ME1: variants seen among roughly 807,000 people sequenced by gnomAD.
ME1 encodes the protein malic enzyme 1.
Under a neutral mutation model 66.4 loss-of-function variants are expected in ME1, and 74 were observed. The ratio of observed to expected loss-of-function variants is 1.11; its 90% CI spans 0.92 to 1.35. The LOEUF is 1.35. ME1 is among the 40% of genes most tolerant of loss of function. The pLI is 0.00. For synonymous variants in ME1, 251 were observed against 235.6 expected (o/e 1.07, Z -0.60); for missense variants, 750 against 694.1 (o/e 1.08, Z -0.90).
intron 6 of ME1, among the ~76,000 whole-genome samples, chr6:83,269,777 A>G (rs1182241552): frequency 2.6e-5 from 4 of 152,168 alleles, no homozygotes; most frequent in African/African-American, 9.7e-5. Flanking sequence ...TTCCAAAATG[A>G]CCCAAACGGA....
At chr6:83,370,196 A>G (rs1350907815) in intron 3 of ME1, among the ~76,000 whole-genome samples, 1 of 152,188 alleles carries the variant, frequency 6.6e-6, no homozygotes, top group Non-Finnish European at 1.5e-5. Context: ...AATTAAAGAA[A>G]TGAAGTAGCT....
At chr6:83,238,797 AAAATATAT>A (rs994216182) in intron 8 of ME1, among the ~76,000 whole-genome samples, 1 of 54,296 alleles carries the variant, frequency 1.8e-5, no homozygotes, top group Admixed American at 2.0e-4. Flanking sequence ...AGTTTCTTGA[AAAATATAT>A]ATATATATAT....
intron 3 of ME1, among the ~76,000 whole-genome samples, chr6:83,358,360 T>G (rs1768941856): frequency 6.6e-6 from 1 of 152,238 alleles, no homozygotes; most frequent in South Asian, 2.1e-4. Flanking sequence ...GGTTGGTTGC[T>G]CCTAAGTTCA....
chr6:83,307,053 CA>C (rs1333200170), intron 6 of ME1, among the ~76,000 whole-genome samples: 1 of 152,002 alleles, frequency 6.6e-6, no homozygotes, highest in East Asian at 1.9e-4. Context: ...CTGGCTTCTC[CA>C]AGGTTGGACT....
intron 9 of ME1, among the ~76,000 whole-genome samples, chr6:83,231,495 G>A (rs541972941): frequency 6.6e-6 from 1 of 152,254 alleles, no homozygotes; most frequent in African/African-American, 2.4e-5. Context: ...TGTCTCCCAA[G>A]TATGTTCTCT....
At chr6:83,351,974 T>A in intron 4 of ME1, 90 bp downstream of exon 4, 1 of 683,044 alleles carries the variant, frequency 1.5e-6, no homozygotes, top group Admixed American at 3.3e-5. Flanking sequence ...ATGCTACCTA[T>A]TATCATGAGA....
At position 83,357,697 on chromosome 6, in the gene ME1, A is replaced by AT. The variant is rs538160262; in HGVS notation, c.363-5559dup. The stretch of plus-strand genomic sequence containing the variant: ...AATCAGCTGCCAGTGTGGCTACAAT[A>AT]TAAGCAGGCAGAAAAATGTGAAAAG... On this transcript the variant is annotated intron_variant, in intron 3 of 13. Coordinates refer to ENST00000369705, the MANE Select transcript of ME1 (RefSeq NM_002395.6). Among the ~76,000 whole-genome samples, 1,045 of 151,948 alleles carry AT rather than the reference A, an allele frequency of 6.9e-3. 9 individuals carry two copies. Among genetic ancestry groups the AT allele is most frequent in the Non-Finnish European group, 0.01 (705 of 67,958 alleles).
chr6:83,293,339 A>T (rs1455567838), intron 6 of ME1, among the ~76,000 whole-genome samples: 9 of 152,156 alleles, frequency 5.9e-5, no homozygotes, highest in Middle Eastern at 3.2e-3. Context: ...TATTCACAGC[A>T]TCGTACAATG....
At chr6:83,229,298 T>G in intron 9 of ME1, 1 of 341,022 alleles carries the variant, frequency 2.9e-6, no homozygotes, top group Non-Finnish European at 5.5e-6. Context: ...GGTCTCAGAA[T>G]TTGGAGTTGG....
intron 2 of ME1, among the ~76,000 whole-genome samples, chr6:83,400,365 G>C (rs989636076): frequency 1.3e-5 from 2 of 152,094 alleles, no homozygotes; most frequent in African/African-American, 4.8e-5. Flanking sequence ...CCCTCACCAA[G>C]GCAGCAGATA....
chr6:83,393,092 C>T, intron 3 of ME1: 1 of 1,450,744 alleles, frequency 6.9e-7, no homozygotes, highest in East Asian at 2.3e-5. Flanking sequence ...AGCTCACTGG[C>T]ATGGCCTTCC....
At chr6:83,297,747 G>A (rs758826989) in intron 6 of ME1, among the ~76,000 whole-genome samples, 1 of 151,968 alleles carries the variant, frequency 6.6e-6, no homozygotes, top group African/African-American at 2.4e-5. Context: ...TCCCTGCCCC[G>A]ACACCCGACA....
intron 9 of ME1, among the ~76,000 whole-genome samples, chr6:83,237,002 C>G (rs1213044613): frequency 1.3e-5 from 2 of 150,514 alleles, no homozygotes; most frequent in East Asian, 3.9e-4. Flanking sequence ...GAGTTTGAGA[C>G]CAGCTTGGGA....
intron 1 of ME1, among the ~76,000 whole-genome samples, chr6:83,430,340 C>G (rs1770462816): frequency 6.6e-6 from 1 of 152,194 alleles, no homozygotes. Context: ...CCGTGTCACT[C>G]CAGAAACCGA....
intron 12 of ME1, among the ~76,000 whole-genome samples, chr6:83,222,258 C>G (rs1790108146): frequency 6.6e-6 from 1 of 152,108 alleles, no homozygotes; most frequent in South Asian, 2.1e-4. Flanking sequence ...TAAAGAAAAC[C>G]TGTGACATCA....
intron 7 of ME1, among the ~76,000 whole-genome samples, chr6:83,252,564 G>A (rs1007166030): frequency 6.6e-6 from 1 of 152,154 alleles, no homozygotes; most frequent in African/African-American, 2.4e-5. Flanking sequence ...GCCTCCCAAA[G>A]TGCTGGGATT....
intron 5 of ME1, among the ~76,000 whole-genome samples, chr6:83,344,852 A>T (rs1368118628): frequency 6.6e-6 from 1 of 152,048 alleles, no homozygotes; most frequent in Non-Finnish European, 1.5e-5. Context: ...ACTGTACTCC[A>T]GCCTGGGTGA....
chr6:83,240,834 TA>T (rs1452565950), intron 7 of ME1, among the ~76,000 whole-genome samples: 2 of 152,156 alleles, frequency 1.3e-5, no homozygotes, highest in East Asian at 3.8e-4. Flanking sequence ...CTTTCTTGTA[TA>T]ATTAGGTAGC....
intron 6 of ME1, among the ~76,000 whole-genome samples, chr6:83,271,690 T>C (rs766118499): frequency 6.6e-6 from 1 of 152,106 alleles, no homozygotes; most frequent in African/African-American, 2.4e-5. Context: ...TAAAGGCGAA[T>C]ACAGATTCAG....
Sources: gnomAD v4.1 joint callset for allele counts (sites outside exome capture counted in the v4.1 genomes callset) on GRCh38, gnomAD v4.1.1 for gene constraint, MANE v1.5 for transcripts, NCBI Gene and HGNC (gene_info 2026-07-23, HGNC 2026-07-21) for gene names.